Variants in RBFOX1 observed in about 807,000 individuals in gnomAD.
RBFOX1 encodes RNA binding protein fox-1 homolog 1.
In RBFOX1, 8 loss-of-function variants were observed where a neutral mutation model predicts 57.7. The observed-to-expected ratio is 0.14, with a 90% CI of 0.08 to 0.25. The LOEUF (loss-of-function observed/expected upper bound fraction) is 0.25. Ranked by LOEUF, RBFOX1 falls within the 10% of genes least tolerant of loss-of-function variation. The probability of loss-of-function intolerance (pLI) is 1.00; values close to 1 mark genes in which losing one functional copy is unlikely to be tolerated. For synonymous variants in RBFOX1, 326 were observed against 222.4 expected (o/e 1.47, Z -4.15); for missense variants, 611 against 548.5 (o/e 1.11, Z -1.14).
At position 5,301,299 on chromosome 16, in the gene RBFOX1, G is replaced by A. The variant is rs141911011; in HGVS notation, c.219+61194G>A. Among the ~76,000 whole-genome samples, 602 of 152,220 alleles carry A rather than the reference G, an allele frequency of 4.0e-3. 4 individuals are homozygous for A. The highest frequency in any genetic ancestry group is 0.013 in the African/African-American group (534 of 41,530). The stretch of plus-strand genomic sequence containing the variant: ...AGGCCCTCAGTCCAATAGCCTGCAC[G>A]TGTTTACAGACTTCCAACAGCTATA... On this transcript the variant is annotated intron_variant, in intron 1 of 2. Coordinates refer to the RBFOX1 transcript ENST00000585867.
chr16:7,628,392 G>A (rs1423261926), intron 10 of RBFOX1, among the ~76,000 whole-genome samples: 4 of 152,044 alleles, frequency 2.6e-5, no homozygotes, highest in South Asian at 2.1e-4. Context: ...ATAGATAACC[G>A]CTGCAGAGTC....
At chr16:6,738,749 A>G (rs1340655484) in intron 3 of RBFOX1, among the ~76,000 whole-genome samples, 1 of 152,162 alleles carries the variant, frequency 6.6e-6, no homozygotes, top group Non-Finnish European at 1.5e-5. Flanking sequence ...TAAAATAGAC[A>G]TCAGCAAATG....
At chr16:7,321,561 G>C (rs2096545852) in intron 4 of RBFOX1, among the ~76,000 whole-genome samples, 1 of 152,210 alleles carries the variant, frequency 6.6e-6, no homozygotes, top group Admixed American at 6.5e-5. Context: ...TTTTGGGCAA[G>C]TTACTTGACC....
chr16:5,270,612 A>G lies in RBFOX1; in HGVS notation c.219+30507A>G, dbSNP rs1385791154. The G allele has an allele frequency of 1.2e-5, 7 of 583,216 alleles. No homozygotes were observed. In the East Asian group the frequency reaches 2.2e-4, roughly 19 times the overall value. The allele number at this position is 583,216 out of a possible 1,614,324, so 36.1% of individuals were successfully genotyped here. A position where few individuals can be genotyped will look rare whatever the true frequency, so the allele number is the denominator to read the frequency against. ...TGTGTTGGTTTTACCAAAAAACGCAACAATCAGATACTGAAGACCTCTTAT... is the reference window on the plus strand; with the variant it reads ...TGTGTTGGTTTTACCAAAAAACGCAGCAATCAGATACTGAAGACCTCTTAT... On this transcript the variant is annotated intron_variant, in intron 1 of 2. Coordinates refer to the RBFOX1 transcript ENST00000585867.
chr16:6,557,034 CACAT>C (rs1402340633), intron 2 of RBFOX1, among the ~76,000 whole-genome samples: 11 of 71,040 alleles, frequency 1.5e-4, no homozygotes, highest in African/African-American at 5.6e-4. Context: ...TACATATATA[CACAT>C]ATATATACAT....
At chr16:5,603,891 C>G (rs565440426), downstream of RBFOX1, among the ~76,000 whole-genome samples, 6 of 152,294 alleles carry the variant, frequency 3.9e-5, no homozygotes, top group Admixed American at 2.6e-4. Flanking sequence ...AAGAACCGCA[C>G]TATTATTTTT....
chr16:6,859,612 C>T (rs927427355), intron 3 of RBFOX1, among the ~76,000 whole-genome samples: 6 of 151,888 alleles, frequency 4.0e-5, no homozygotes, highest in African/African-American at 1.2e-4. Flanking sequence ...ATCTTCCTGC[C>T]GCCTCTCTGT....
At chr16:6,566,677 A>C (rs117890293) in intron 2 of RBFOX1, among the ~76,000 whole-genome samples, 5,870 of 152,276 alleles carry the variant, frequency 0.039, 151 homozygotes, top group Non-Finnish European at 0.062. Context: ...TGTCTTCTCC[A>C]CAGGCTAAAT....
At chr16:5,807,979 T>A (rs1823021266) in intron 3 of RBFOX1, among the ~76,000 whole-genome samples, 1 of 152,196 alleles carries the variant, frequency 6.6e-6, no homozygotes, top group African/African-American at 2.4e-5. Flanking sequence ...ATTTCCTCCT[T>A]CCTTCTTGCT....
chr16:7,502,113 C>A (rs764060802), intron 4 of RBFOX1, among the ~76,000 whole-genome samples: 3 of 151,782 alleles, frequency 2.0e-5, no homozygotes, highest in Non-Finnish European at 4.4e-5. Flanking sequence ...TTTCAGCTGG[C>A]AAACTATGAG....
chr16:6,736,925 T>G (rs12926438), intron 3 of RBFOX1, among the ~76,000 whole-genome samples: 23,408 of 152,170 alleles, frequency 0.15, 1,869 homozygotes, highest in Middle Eastern at 0.19. Context: ...TGTGATGGAT[T>G]GGTGATGTCT....
chr16:5,454,379 G>C (rs1025912802), intron 1 of RBFOX1, among the ~76,000 whole-genome samples: 3 of 152,210 alleles, frequency 2.0e-5, no homozygotes, highest in Admixed American at 1.3e-4. Flanking sequence ...AGGTGTGAAG[G>C]TTAATTTTAT....
chr16:6,877,961 G>A (rs2062149230), intron 3 of RBFOX1, among the ~76,000 whole-genome samples: 1 of 152,076 alleles, frequency 6.6e-6, no homozygotes, highest in African/African-American at 2.4e-5. Context: ...AAAAAGTAGG[G>A]GATAAGGGTT....
chr16:6,948,563 G>A (rs2080044438), intron 3 of RBFOX1, among the ~76,000 whole-genome samples: 1 of 151,462 alleles, frequency 6.6e-6, no homozygotes, highest in Non-Finnish European at 1.5e-5. Context: ...TTGATTTTTA[G>A]TAGAGACAGG....
chr16:7,004,569 G>C (rs1047917323), intron 3 of RBFOX1, among the ~76,000 whole-genome samples: 5 of 152,096 alleles, frequency 3.3e-5, no homozygotes, highest in Non-Finnish European at 7.4e-5. Flanking sequence ...ATGTATCTAA[G>C]GTTTATTAGT....
intron 1 of RBFOX1, chr16:5,366,684 T>C: frequency 2.4e-6 from 1 of 416,548 alleles, no homozygotes; most frequent in South Asian, 2.0e-5. Flanking sequence ...GGAGGAAGTC[T>C]CTTTAAGAAA....
chr16:6,846,917 A>G (rs2093786705), intron 3 of RBFOX1, among the ~76,000 whole-genome samples: 1 of 142,610 alleles, frequency 7.0e-6, no homozygotes, highest in Non-Finnish European at 1.5e-5. Context: ...TTACCCTAGG[A>G]AACAAAAAAA....
intron 3 of RBFOX1, among the ~76,000 whole-genome samples, chr16:6,747,180 C>A (rs563428101): frequency 6.6e-6 from 1 of 152,132 alleles, no homozygotes; most frequent in African/African-American, 2.4e-5. Context: ...GAGACTGAGA[C>A]GGTCAGATCA....
chr16:6,685,578 G>C (rs1029748766), intron 3 of RBFOX1, among the ~76,000 whole-genome samples: 5 of 151,756 alleles, frequency 3.3e-5, no homozygotes, highest in Non-Finnish European at 5.9e-5. Context: ...ATGAGCCACT[G>C]TGTCTGGCCA....
Sources: allele counts gnomAD v4.1 joint callset (sites outside exome capture counted in the v4.1 genomes callset), GRCh38; gene constraint gnomAD v4.1.1; transcripts MANE v1.5; gene names NCBI Gene and HGNC (gene_info 2026-07-23, HGNC 2026-07-21).